The following SORL1 variants were observed in gnomAD, a reference collection of about 807,000 sequenced individuals.
SORL1 encodes sortilin related receptor 1, also known as sortilin-related receptor.
A neutral mutation model predicts 273.7 loss-of-function variants in SORL1; 127 were observed. That is an observed-to-expected ratio of 0.46 (90% confidence interval 0.40 to 0.54). The LOEUF is 0.54. SORL1 is among the 20% of genes least tolerant of loss of function. The probability of loss-of-function intolerance (pLI) is 0.00; values close to 1 mark genes in which losing one functional copy is unlikely to be tolerated. For synonymous variants in SORL1, 1,031 were observed against 1,067.4 expected, an observed-to-expected ratio of 0.97 and a Z score of 0.66; for missense variants, 2,494 against 2,846.1, an observed-to-expected ratio of 0.88 and a Z score of 2.81.
Position 121,589,256 on chromosome 11 carries a change from T to C in SORL1, c.3947-3T>C, listed in dbSNP as rs775762067. 3.2e-5 allele frequency: 52 copies of C among 1,612,734 alleles called. 1 individual carries two copies. The East Asian group carries it at 3.6e-4, about 11-fold the overall frequency. On this transcript the variant is annotated splice_region_variant and splice_polypyrimidine_tract_variant and intron_variant, in intron 28 of 47. Transcript: ENST00000260197. ...ACTTCATGGATGTTTGTTCCCTCTG[T>C]AGCCCAAGATCCTGAGTTCCACAAG...
At chr11:121,458,721 G>A (rs1420337998) in intron 1 of SORL1, among the ~76,000 whole-genome samples, 1 of 152,244 alleles carries the variant, frequency 6.6e-6, no homozygotes, top group Non-Finnish European at 1.5e-5. Flanking sequence ...CTTCGAAGAA[G>A]TGGCATGGGC....
At chr11:121,482,707 AC>A (rs1861411037) in intron 3 of SORL1, among the ~76,000 whole-genome samples, 1 of 152,240 alleles carries the variant, frequency 6.6e-6, no homozygotes, top group African/African-American at 2.4e-5. Context: ...TAGGCAAATC[AC>A]CCAGGTGAAA....
At chr11:121,564,099 G>A (rs1862718474) in intron 21 of SORL1, among the ~76,000 whole-genome samples, 1 of 152,326 alleles carries the variant, frequency 6.6e-6, no homozygotes, top group South Asian at 2.1e-4. Context: ...GAAGATGATT[G>A]TCCACTCTTC....
rs774804258 is a variant in SORL1 at position 121,567,094 on chromosome 11, C to A, written c.3204C>A (p.Asn1068Lys). Residue 1068 changes from asparagine to lysine, a missense_variant, in exon 22 of 48, where the codon AAC (asparagine) becomes AAA (lysine). Physicochemically the swap from Asn to Lys is moderately conservative, Grantham distance 94 (BLOSUM62 0). This residue lies in a region of SORL1 where 1,609 missense variants were observed against 1,816.4 expected (regional missense o/e 0.89). Transcript: ENST00000260197. ...CDCPQGYQLK[N>K]NTCVKQENTC... ...GCCCTCAGGGCTATCAGCTCAAGAA[C>A]AATACCTGTGTCAAACAAGGTACTT... The A allele has an allele frequency of 6.2e-7, 1 of 1,613,274 alleles. No homozygotes were observed. Among genetic ancestry groups the A allele is most frequent in the Non-Finnish European group, 8.5e-7 (1 of 1,179,716 alleles).
Position 121,574,457 on chromosome 11 carries a change from A to G in SORL1, c.3460+94A>G, listed in dbSNP as rs1402926348. On this transcript the variant is annotated intron_variant, in intron 24 of 47. Coordinates refer to ENST00000260197, the MANE Select transcript of SORL1 (RefSeq NM_003105.6). ...TACTGGTATGTACTGGTTTTCTGAT[A>G]GCCGTCTCAGGATTTATGATATTCT... 5.1e-6 allele frequency: 6 copies of G among 1,167,526 alleles called. No homozygotes were observed. The African/African-American group carries it at 6.2e-5, about 12-fold the overall frequency. The allele number at this position is 1,167,526 out of a possible 1,614,324, so 72.3% of individuals were successfully genotyped here. A position where few individuals can be genotyped will look rare whatever the true frequency, so the allele number is the denominator to read the frequency against.
chr11:121,461,913 G>A (rs531227293), intron 1 of SORL1, among the ~76,000 whole-genome samples: 21 of 152,294 alleles, frequency 1.4e-4, no homozygotes, highest in African/African-American at 4.6e-4. Flanking sequence ...GTTTTAGTGC[G>A]TCGAAGTTTA....
Position 121,554,159 on chromosome 11 carries a change from T to C in SORL1, c.2439+50T>C, listed in dbSNP as rs773663050. On this transcript the variant is annotated intron_variant, in intron 17 of 47. Coordinates refer to ENST00000260197, the MANE Select transcript of SORL1 (RefSeq NM_003105.6). The surrounding 1 kb of genome is among the most constrained non-coding windows in gnomAD (Gnocchi z 4.6). ...TGGGAGCTGTGCATCGTGACTGCCC[T>C]GTCCTGATAAGCTGCATGCAGAATG... 2 of 1,540,564 alleles carry C rather than the reference T, an allele frequency of 1.3e-6. No homozygotes were observed. The highest frequency in any genetic ancestry group is 3.6e-5 in the Admixed American group (2 of 55,584).
intron 6 of SORL1, among the ~76,000 whole-genome samples, chr11:121,512,637 C>T (rs374600624): frequency 1.3e-5 from 2 of 152,286 alleles, no homozygotes; most frequent in Non-Finnish European, 2.9e-5. Flanking sequence ...GTTTGGGGGC[C>T]GTAGGCTCCT....
chr11:121,602,899 G>T (rs1863415860), intron 32 of SORL1, among the ~76,000 whole-genome samples: 1 of 152,194 alleles, frequency 6.6e-6, no homozygotes, highest in Admixed American at 6.5e-5. Context: ...TGTCACCATG[G>T]GCAGGGGGCA....
chr11:121,580,434 GT>G (rs1191568212), intron 25 of SORL1, among the ~76,000 whole-genome samples: 1 of 151,458 alleles, frequency 6.6e-6, no homozygotes, highest in Non-Finnish European at 1.5e-5. Flanking sequence ...ACATGGAGCT[GT>G]TTTTTTTATT....
rs767178264 is a variant in SORL1 at position 121,550,676 on chromosome 11, A to G, written c.2266+6A>G. ...GGTCCCCTGTCCCCTGGCAGGTAAG[A>G]GAGGTGGTTTCTTCCCTTTCATTTC... On this transcript the variant is annotated splice_donor_region_variant and intron_variant, in intron 16 of 47. Transcript: ENST00000260197. This position sits in a 1 kb window ranked among gnomAD's most constrained non-coding sequence, Gnocchi z 5.3. 3.1e-6 allele frequency: 5 copies of G among 1,610,330 alleles called. No individual in the cohort carries two copies. Among genetic ancestry groups the G allele is most frequent in the Non-Finnish European group, 3.4e-6 (4 of 1,176,816 alleles).
chr11:121,496,059 A>C (rs1861624497), intron 5 of SORL1, among the ~76,000 whole-genome samples: 1 of 152,208 alleles, frequency 6.6e-6, no homozygotes, highest in Non-Finnish European at 1.5e-5. Flanking sequence ...AACTCATGTA[A>C]AAGGCTTGGA....
chr11:121,499,281 A>G (rs1565316098), intron 6 of SORL1, among the ~76,000 whole-genome samples: 1 of 152,188 alleles, frequency 6.6e-6, no homozygotes, highest in South Asian at 2.1e-4. Context: ...CCTTCTGCAC[A>G]TGGATGAGCC....
chr11:121,601,304 C>T (rs1863388221), intron 32 of SORL1, among the ~76,000 whole-genome samples: 2 of 140,280 alleles, frequency 1.4e-5, no homozygotes, highest in African/African-American at 5.4e-5. Context: ...CATTGTTGGA[C>T]ATTTGGGTTG....
chr11:121,581,994 A>G (rs1291653887), intron 25 of SORL1, among the ~76,000 whole-genome samples: 2 of 152,248 alleles, frequency 1.3e-5, no homozygotes, highest in African/African-American at 4.8e-5. Context: ...TGCATGATAC[A>G]TTTATTCCTC....
intron 2 of SORL1, 131 bp downstream of exon 2, chr11:121,470,254 A>G: frequency 1.4e-6 from 1 of 727,488 alleles, no homozygotes; most frequent in East Asian, 2.5e-5. Context: ...ATGACAGGGA[A>G]GATAATCTAG....
chr11:121,507,140 A>C (rs1255611718), intron 6 of SORL1, among the ~76,000 whole-genome samples: 2 of 152,102 alleles, frequency 1.3e-5, no homozygotes, highest in Non-Finnish European at 2.9e-5. Flanking sequence ...ATACTCTTTA[A>C]GCCCATCAGC....
intron 11 of SORL1, among the ~76,000 whole-genome samples, chr11:121,524,094 G>A (rs887606780): frequency 6.6e-6 from 1 of 152,224 alleles, no homozygotes; most frequent in African/African-American, 2.4e-5. Context: ...AGATGAGGCA[G>A]ATTGTTAAGG....
chr11:121,522,807 G>A (rs1221672859), intron 10 of SORL1, 104 bp downstream of exon 10: 5 of 1,370,930 alleles, frequency 3.6e-6, no homozygotes, highest in Non-Finnish European at 5.2e-6. Context: ...ACGCTTTGTG[G>A]TTTGAAAGCA....
Sources: gnomAD v4.1 joint callset for allele counts (sites outside exome capture counted in the v4.1 genomes callset) on GRCh38, gnomAD v4.1.1 for gene constraint, gnomAD v4.1.1 regional missense constraint, Gnocchi (gnomAD v3.1) non-coding constraint, MANE v1.5 for transcripts, NCBI Gene and HGNC (gene_info 2026-07-23, HGNC 2026-07-21) for gene names.